RASEF: variants seen among roughly 807,000 people sequenced by gnomAD.
RASEF encodes ras and EF-hand domain-containing protein.
In RASEF, 68 loss-of-function variants were observed where a neutral mutation model predicts 90.1. That is an observed-to-expected ratio of 0.75 (90% CI 0.62 to 0.92). The LOEUF is 0.92. Ranked by LOEUF, RASEF falls within the 40% of genes least tolerant of loss-of-function variation. RASEF has a pLI of 0.00. For missense variants in RASEF, 949 were observed against 937.2 expected (o/e 1.01, Z -0.16); for synonymous variants, 331 against 345.2 (o/e 0.96, Z 0.46).
intron 1 of RASEF, among the ~76,000 whole-genome samples, chr9:83,058,540 C>T (rs994787781): frequency 6.6e-6 from 1 of 152,076 alleles, no homozygotes; most frequent in Non-Finnish European, 1.5e-5. Context: ...TGTCAAGCAC[C>T]GTTTCATGTA....
the RASEF span, among the ~76,000 whole-genome samples, chr9:83,204,879 A>G: frequency 1.3e-5 from 2 of 152,234 alleles, no homozygotes; most frequent in Non-Finnish European, 2.9e-5. Context: ...TAGTTTTGCC[A>G]ATTATAATTC....
chr9:83,131,216 A>G, the RASEF span, among the ~76,000 whole-genome samples: 1 of 152,246 alleles, frequency 6.6e-6, no homozygotes, highest in Non-Finnish European at 1.5e-5. Flanking sequence ...GTGGCCAATA[A>G]GCAATTATAG....
At chr9:83,113,503 A>C in the RASEF span, among the ~76,000 whole-genome samples, 2 of 152,248 alleles carry the variant, frequency 1.3e-5, no homozygotes, top group Admixed American at 6.5e-5. Context: ...GGGGTCTGGC[A>C]GAATAGAGCC....
In RASEF at chr9:83,004,485, C is replaced by T. The variant is rs756757291; in HGVS notation, c.1202+13G>A. 4.5e-5 allele frequency: 68 copies of T among 1,518,452 alleles called. No individual in the cohort carries two copies. The highest frequency in any genetic ancestry group is 7.9e-5 in the South Asian group (7 of 88,504). The allele number at this position is 1,518,452 out of a possible 1,614,324, so 94.1% of individuals were successfully genotyped here. A position where few individuals can be genotyped will look rare whatever the true frequency, so the allele number is the denominator to read the frequency against. On this transcript the variant is annotated intron_variant, in intron 9 of 16. Transcript: ENST00000376447. Reference sequence around the variant, plus strand: ...TCTGAACTTGAACAGAAAGTTAAGACGAGTTAACATACCTGTCATAGCCTA... The same window carrying T: ...TCTGAACTTGAACAGAAAGTTAAGATGAGTTAACATACCTGTCATAGCCTA...
the RASEF span, among the ~76,000 whole-genome samples, chr9:83,137,235 G>A: frequency 6.6e-6 from 1 of 152,034 alleles, no homozygotes; most frequent in Non-Finnish European, 1.5e-5. Context: ...TCCAGTCTGT[G>A]GTATTAATTA....
At chr9:83,162,356 G>A in the RASEF span, among the ~76,000 whole-genome samples, 1 of 152,144 alleles carries the variant, frequency 6.6e-6, no homozygotes, top group Admixed American at 6.5e-5. Context: ...GAAAACTGCT[G>A]GAGATGGTAT....
At chr9:83,186,623 A>T in the RASEF span, among the ~76,000 whole-genome samples, 1 of 152,036 alleles carries the variant, frequency 6.6e-6, no homozygotes, top group Non-Finnish European at 1.5e-5. Flanking sequence ...CTTCTTCCTA[A>T]CAGAATCCCC....
intron 8 of RASEF, 148 bp downstream of exon 8, chr9:83,005,268 C>A: frequency 1.6e-6 from 1 of 613,220 alleles, no homozygotes. Flanking sequence ...TGGAAAAATG[C>A]TGCCTCGTTT....
chr9:83,070,612 C>T, the RASEF span, among the ~76,000 whole-genome samples: 1 of 152,036 alleles, frequency 6.6e-6, no homozygotes, highest in East Asian at 1.9e-4. Flanking sequence ...TTTGGATATT[C>T]CTGGTCCTAG....
chr9:83,055,400 G>A (rs982406054), intron 1 of RASEF: 2 of 513,760 alleles, frequency 3.9e-6, no homozygotes, highest in African/African-American at 2.0e-5. Context: ...GCCCTGCTTC[G>A]GCTCGCGCAC....
chr9:83,125,879 C>G, the RASEF span, among the ~76,000 whole-genome samples: 1 of 152,198 alleles, frequency 6.6e-6, no homozygotes, highest in Non-Finnish European at 1.5e-5. Context: ...TTGCTCAACC[C>G]AAAGTTTCTC....
At chr9:83,176,961 C>T in the RASEF span, among the ~76,000 whole-genome samples, 1 of 151,892 alleles carries the variant, frequency 6.6e-6, no homozygotes, top group East Asian at 1.9e-4. Flanking sequence ...ATTTCTGGTT[C>T]TCTTCATTTA....
intron 16 of RASEF, among the ~76,000 whole-genome samples, chr9:82,988,433 G>A (rs1828751220): frequency 6.6e-6 from 1 of 152,166 alleles, no homozygotes; most frequent in South Asian, 2.1e-4. Context: ...TTAGTTGAAT[G>A]TATATGTGTT....
intron 1 of RASEF, among the ~76,000 whole-genome samples, chr9:83,041,277 AT>A (rs1177187762): frequency 6.6e-6 from 1 of 152,232 alleles, no homozygotes; most frequent in Non-Finnish European, 1.5e-5. Flanking sequence ...AACTATTTAT[AT>A]ATGTGATATT....
chr9:83,191,605 A>G, the RASEF span, among the ~76,000 whole-genome samples: 1 of 152,202 alleles, frequency 6.6e-6, no homozygotes, highest in Non-Finnish European at 1.5e-5. Context: ...GATTAGTTAT[A>G]TCAAAGCTAC....
chr9:83,175,573 T>C, the RASEF span, among the ~76,000 whole-genome samples: 10 of 152,066 alleles, frequency 6.6e-5, no homozygotes, highest in Admixed American at 3.3e-4. Context: ...ACATCCTTAG[T>C]ATTATTTCAA....
chr9:83,044,203 C>T (rs73471413), intron 1 of RASEF, among the ~76,000 whole-genome samples: 6,537 of 152,192 alleles, frequency 0.043, 427 homozygotes, highest in African/African-American at 0.15. Context: ...CACAGAGCAT[C>T]TGCAGAAAGG....
chr9:83,215,557 G>A, the RASEF span, among the ~76,000 whole-genome samples: 6 of 152,284 alleles, frequency 3.9e-5, no homozygotes, highest in East Asian at 9.7e-4. Flanking sequence ...AGGGGATCAG[G>A]GAACTCTCCC....
chr9:83,084,344 A>G, the RASEF span, among the ~76,000 whole-genome samples: 1 of 152,348 alleles, frequency 6.6e-6, no homozygotes. Flanking sequence ...ATAGGCCAAG[A>G]GGCACAATCA....
Sources: gnomAD v4.1 joint callset for allele counts (sites outside exome capture counted in the v4.1 genomes callset) on GRCh38, gnomAD v4.1.1 for gene constraint, MANE v1.5 for transcripts, NCBI Gene and HGNC (gene_info 2026-07-23, HGNC 2026-07-21) for gene names.